Variants in NDUFA10 observed in about 807,000 individuals in gnomAD.
NDUFA10 encodes the protein NADH dehydrogenase [ubiquinone] 1 alpha subcomplex subunit 10, mitochondrial.
In NDUFA10, 40 loss-of-function variants were observed where a neutral mutation model predicts 47.8. The ratio of observed to expected loss-of-function variants is 0.84; its 90% CI spans 0.65 to 1.09. The LOEUF is 1.09. NDUFA10 is among the 50% of genes least tolerant of loss of function. The pLI is 0.00. For synonymous variants in NDUFA10, 183 were observed against 172.2 expected, an observed-to-expected ratio of 1.06 and a Z score of -0.49; for missense variants, 413 against 451.1, an observed-to-expected ratio of 0.92 and a Z score of 0.76.
chr2:239,977,104 T>G (rs1324726875), intron 9 of NDUFA10, among the ~76,000 whole-genome samples: 1 of 151,868 alleles, frequency 6.6e-6, no homozygotes, highest in Admixed American at 6.6e-5. Context: ...CTCCCTAAAC[T>G]CAGACTGGAA....
chr2:240,003,850 A>G (rs891387530), intron 8 of NDUFA10, among the ~76,000 whole-genome samples: 19 of 152,288 alleles, frequency 1.2e-4, no homozygotes, highest in South Asian at 4.2e-4. Flanking sequence ...CAGCCAGGAC[A>G]GAAGAGGCAG....
intron 8 of NDUFA10, among the ~76,000 whole-genome samples, chr2:239,997,248 A>G (rs1410046672): frequency 6.6e-6 from 1 of 152,156 alleles, no homozygotes; most frequent in Non-Finnish European, 1.5e-5. Flanking sequence ...AAAAATAATA[A>G]AACTAGGGTA....
At chr2:239,988,533 A>T (rs879797220) in intron 9 of NDUFA10, among the ~76,000 whole-genome samples, 1 of 152,134 alleles carries the variant, frequency 6.6e-6, no homozygotes, top group Non-Finnish European at 1.5e-5. Flanking sequence ...GCCTTACTGG[A>T]GAAGGACTGA....
At chr2:240,003,322 C>CA (rs1482291002) in intron 8 of NDUFA10, among the ~76,000 whole-genome samples, 1 of 152,162 alleles carries the variant, frequency 6.6e-6, no homozygotes, top group African/African-American at 2.4e-5. Flanking sequence ...ATCACAGGGC[C>CA]AAGAACAGAG....
intron 6 of NDUFA10, among the ~76,000 whole-genome samples, chr2:240,008,758 G>C (rs182214984): frequency 6.6e-6 from 1 of 152,236 alleles, no homozygotes; most frequent in Non-Finnish European, 1.5e-5. Context: ...TGCTGTGTGG[G>C]GTATGGAAGG....
chr2:239,948,899 G>A (rs1016224237), intron 4 of NDUFA10, among the ~76,000 whole-genome samples: 8 of 152,208 alleles, frequency 5.3e-5, no homozygotes, highest in African/African-American at 1.2e-4. Context: ...AAGATAAAGC[G>A]TGCAGGAGTC....
intron 6 of NDUFA10, among the ~76,000 whole-genome samples, chr2:240,007,902 G>C (rs1697007509): frequency 6.6e-6 from 1 of 151,868 alleles, no homozygotes; most frequent in Non-Finnish European, 1.5e-5. Flanking sequence ...CAGGCACAGA[G>C]GGCATCTTTA....
chr2:239,991,689 A>G (rs1696253922), intron 8 of NDUFA10, among the ~76,000 whole-genome samples: 1 of 152,202 alleles, frequency 6.6e-6, no homozygotes, highest in Admixed American at 6.5e-5. Context: ...GTATCTTCTT[A>G]CTGTTAACAC....
chr2:240,005,188 G>GC (rs761153070), intron 8 of NDUFA10, 22 bp downstream of exon 8: 1 of 1,595,182 alleles, frequency 6.3e-7, no homozygotes, highest in East Asian at 2.2e-5. Context: ...ACATGCAGCA[G>GC]CCCCCACACA....
intron 8 of NDUFA10, among the ~76,000 whole-genome samples, chr2:239,999,236 G>A (rs1028791365): frequency 6.6e-6 from 1 of 152,216 alleles, no homozygotes; most frequent in African/African-American, 2.4e-5. Flanking sequence ...CCTGTTTCAC[G>A]TAGGGATGCA....
rs774521494 is a variant in NDUFA10, at chr2:240,021,338, C to T, written c.319G>A (p.Asp107Asn). 5.8e-5 allele frequency: 93 copies of T among 1,614,046 alleles called. No homozygotes were observed. The highest frequency in any genetic ancestry group is 7.5e-5 in the Non-Finnish European group (89 of 1,180,034). ...TCCAAACTACAGTTGCCATTATAGT[C>T]GGTGGCGAGGGGCTTCCCATCTCCT... Reference protein sequence around the residue: ...TTGDGKPLATDYNGNCSLEKF... With the variant: ...TTGDGKPLATNYNGNCSLEKF... The change falls in exon 3 of 10, where the codon GAC (aspartate) becomes AAC (asparagine). Residue 107 changes from aspartate (D) to asparagine (N), a missense_variant. Physicochemically the swap from Asp to Asn is conservative, Grantham distance 23. Transcript: ENST00000252711.
chr2:239,930,246 C>G (rs1223414735), intron 4 of NDUFA10, among the ~76,000 whole-genome samples: 3 of 134,502 alleles, frequency 2.2e-5, no homozygotes, highest in Non-Finnish European at 5.1e-5. Flanking sequence ...CTCCACCGCC[C>G]CTAGTCCTCC....
chr2:240,024,177 A>G (rs188908490), intron 1 of NDUFA10, among the ~76,000 whole-genome samples: 1 of 152,382 alleles, frequency 6.6e-6, no homozygotes, highest in Non-Finnish European at 1.5e-5. Context: ...CATGTACACG[A>G]TTACAGCAGC....
Position 239,960,757 on chromosome 2 carries a change from T to C in NDUFA10, c.*361A>G, listed in dbSNP as rs778261754. ...GGGGAAATTCCCATGGAAACACTTT[T>C]ATTTCTGGAAGTCAGAAGAAAAACA... is the stretch of plus-strand genomic sequence containing the variant. On this transcript the variant is annotated 3_prime_UTR_variant, in exon 10 of 10. Coordinates refer to ENST00000252711, the MANE Select transcript of NDUFA10 (RefSeq NM_004544.4). 7.8e-5 allele frequency: 94 copies of C among 1,206,120 alleles called. No individual in the cohort carries two copies. The highest frequency in any genetic ancestry group is 4.6e-4 in the South Asian group (28 of 60,406). 74.7% of individuals were successfully genotyped at this position (1,206,120 alleles called of 1,614,324 possible). A position where few individuals can be genotyped will look rare whatever the true frequency, so the allele number is the denominator to read the frequency against.
intron 9 of NDUFA10, chr2:239,973,393 C>A: frequency 2.5e-6 from 1 of 403,780 alleles, no homozygotes. Flanking sequence ...CAAGAACATA[C>A]AGTATTAACA....
chr2:240,012,128 G>A, intron 5 of NDUFA10: 1 of 221,578 alleles, frequency 4.5e-6, no homozygotes, highest in Non-Finnish European at 9.2e-6. Flanking sequence ...TCTCCAACTT[G>A]CTCGCCACCT....
intron 4 of NDUFA10, among the ~76,000 whole-genome samples, chr2:239,899,398 GTATGATGCAGA>G (rs1693494400): frequency 9.0e-6 from 1 of 110,672 alleles, no homozygotes; most frequent in Non-Finnish European, 2.1e-5. Context: ...TGGTGGAGAG[GTATGATGCAGA>G]GGTGTGATGG....
intron 4 of NDUFA10, among the ~76,000 whole-genome samples, chr2:239,915,100 AACAT>A (rs1693831733): frequency 1.5e-5 from 2 of 134,902 alleles, no homozygotes; most frequent in African/African-American, 2.9e-5. Context: ...GAGATACACA[AACAT>A]ACACACACAC....
At chr2:239,982,474 AAAC>A (rs1395573777) in intron 9 of NDUFA10, among the ~76,000 whole-genome samples, 1 of 152,200 alleles carries the variant, frequency 6.6e-6, no homozygotes, top group Non-Finnish European at 1.5e-5. Context: ...ACCCAACTAA[AAAC>A]AACTTCAACT....
Sources: gnomAD v4.1 joint callset for allele counts (sites outside exome capture counted in the v4.1 genomes callset) on GRCh38, gnomAD v4.1.1 for gene constraint, MANE v1.5 for transcripts, NCBI Gene and HGNC (gene_info 2026-07-23, HGNC 2026-07-21) for gene names.